Variants in FAF1 observed in about 807,000 individuals in gnomAD.
FAF1 encodes Fas associated factor 1, also known as FAS-associated factor 1.
A neutral mutation model predicts 92.5 loss-of-function variants in FAF1; 25 were observed. The observed-to-expected ratio is 0.27, with a 90% CI of 0.20 to 0.38. FAF1 has a LOEUF of 0.38. FAF1 is among the 10% of genes least tolerant of loss of function. FAF1 has a pLI of 1.00. For synonymous variants in FAF1, 234 were observed against 273.2 expected, an observed-to-expected ratio of 0.86 and a Z score of 1.42; for missense variants, 636 against 793.3, an observed-to-expected ratio of 0.80 and a Z score of 2.38.
At chr1:50,553,071 T>C (rs1252571829) in intron 13 of FAF1, among the ~76,000 whole-genome samples, 1 of 151,940 alleles carries the variant, frequency 6.6e-6, no homozygotes, top group Non-Finnish European at 1.5e-5. Context: ...ATTACAACGA[T>C]GAACCTCAAA....
At chr1:50,501,971 A>C (rs903550905) in intron 15 of FAF1, among the ~76,000 whole-genome samples, 1 of 152,238 alleles carries the variant, frequency 6.6e-6, no homozygotes, top group Non-Finnish European at 1.5e-5. Flanking sequence ...ATATCCATCA[A>C]CAGGTGAACA....
chr1:50,749,981 A>G (rs1034353178), intron 4 of FAF1, among the ~76,000 whole-genome samples: 1 of 152,184 alleles, frequency 6.6e-6, no homozygotes, highest in Admixed American at 6.5e-5. Flanking sequence ...TTATTATTAC[A>G]ATTAATGAGA....
chr1:50,804,321 A>T (rs991308134), intron 2 of FAF1, among the ~76,000 whole-genome samples: 2 of 152,200 alleles, frequency 1.3e-5, no homozygotes, highest in African/African-American at 4.8e-5. Flanking sequence ...AAATAAACGA[A>T]GCCCTAGAAA....
chr1:50,761,841 C>G (rs935773515), intron 4 of FAF1, among the ~76,000 whole-genome samples: 1 of 151,920 alleles, frequency 6.6e-6, no homozygotes, highest in Admixed American at 6.6e-5. Context: ...CTGGCCAGGG[C>G]AATTAGGCAG....
chr1:50,788,717 T>A (rs1342939845), intron 3 of FAF1, among the ~76,000 whole-genome samples: 1 of 152,346 alleles, frequency 6.6e-6, no homozygotes, highest in East Asian at 1.9e-4. Context: ...GAAATTTCCC[T>A]TATCTTCTTA....
rs67168626 is a variant in FAF1, at chr1:50,717,987, C to CTTTATTTA, written c.552-12104_552-12097dup. 6.9e-3 allele frequency among the ~76,000 whole-genome samples: 958 copies of CTTTATTTA among 138,978 alleles called. 3 individuals carry two copies. The highest frequency in any genetic ancestry group is 9.0e-3 in the African/African-American group (341 of 38,080). 91.2% of individuals were successfully genotyped at this position (138,978 alleles called of 152,430 possible). The stretch of plus-strand genomic sequence containing the variant: ...TATTTTTAACTTCAAAAATACAATC[C>CTTTATTTA]TTTATTTATTTATTTATTTATTTAT... On this transcript the variant is annotated intron_variant, in intron 6 of 18. Coordinates refer to ENST00000396153, the MANE Select transcript of FAF1 (RefSeq NM_007051.3).
At chr1:50,643,190 T>C (rs1207256322) in intron 8 of FAF1, among the ~76,000 whole-genome samples, 1 of 152,232 alleles carries the variant, frequency 6.6e-6, no homozygotes, top group Non-Finnish European at 1.5e-5. Flanking sequence ...AATGGATTTT[T>C]AGCTATATTT....
At chr1:50,947,625 C>T (rs1458119486) in intron 1 of FAF1, among the ~76,000 whole-genome samples, 1 of 152,188 alleles carries the variant, frequency 6.6e-6, no homozygotes. Context: ...AATAAAACAG[C>T]AAATTCAGCA....
intron 4 of FAF1, among the ~76,000 whole-genome samples, chr1:50,781,374 G>A (rs1029589060): frequency 6.6e-6 from 1 of 151,902 alleles, no homozygotes; most frequent in Non-Finnish European, 1.5e-5. Flanking sequence ...TATATCAAAC[G>A]AAATAGAGTT....
At position 50,729,030 on chromosome 1, in the gene FAF1, CTATCTATATATATA is replaced by C. The variant is rs1353983024; in HGVS notation, c.551+9819_551+9832del. 3.0e-4 allele frequency among the ~76,000 whole-genome samples: 22 copies of C among 74,524 alleles called. 1 individual carries two copies. Among genetic ancestry groups the C allele is most frequent in the Admixed American group, 8.1e-4 (6 of 7,398 alleles). 48.9% of individuals were successfully genotyped at this position (74,524 alleles called of 152,430 possible). A position where few individuals can be genotyped will look rare whatever the true frequency, so the allele number is the denominator to read the frequency against. On this transcript the variant is annotated intron_variant, in intron 6 of 18. Transcript: ENST00000396153. Reference sequence around the variant, plus strand: ...TCTATCTATCTATCTATCTATCTATCTATCTATATATATATATATATATATATATTTTTTTTTTT... The same window carrying C: ...TCTATCTATCTATCTATCTATCTATCTATATATATATATATTTTTTTTTTT...
intron 18 of FAF1, among the ~76,000 whole-genome samples, chr1:50,452,695 T>C (rs1009035925): frequency 6.6e-6 from 1 of 152,232 alleles, no homozygotes; most frequent in African/African-American, 2.4e-5. Flanking sequence ...TTAAGTTAGC[T>C]TAAAAGCCTT....
rs1645304274 is a variant in FAF1 at position 50,960,059 on chromosome 1, C to A, written c.-248G>T. 2.3e-5 allele frequency: 9 copies of A among 395,362 alleles called. No homozygotes were observed. Among genetic ancestry groups the A allele is most frequent in the Non-Finnish European group, 4.0e-5 (9 of 224,076 alleles). The allele number at this position is 395,362 out of a possible 1,614,324, so 24.5% of individuals were successfully genotyped here. ...ACCTGCGGAGCCCGCGTCGCAGCAG[C>A]CCGGACAGGAAGATTGGTCTGGATG... On this transcript the variant is annotated 5_prime_UTR_variant, in exon 1 of 19. Transcript: ENST00000396153.
chr1:50,739,364 A>G (rs1000380466), intron 5 of FAF1, among the ~76,000 whole-genome samples: 2 of 152,082 alleles, frequency 1.3e-5, no homozygotes, highest in African/African-American at 4.8e-5. Flanking sequence ...GTACATGTGT[A>G]CACGTACATA....
intron 1 of FAF1, among the ~76,000 whole-genome samples, chr1:50,936,485 G>C (rs543438598): frequency 6.6e-6 from 1 of 152,266 alleles, no homozygotes; most frequent in South Asian, 2.1e-4. Context: ...CAAAAGCAGA[G>C]ACACAAAATG....
chr1:50,554,312 A>G (rs578190600), intron 13 of FAF1, among the ~76,000 whole-genome samples: 1 of 149,984 alleles, frequency 6.7e-6, no homozygotes, highest in African/African-American at 2.5e-5. Flanking sequence ...CACATGTGAA[A>G]TGGGATCTTG....
rs7555308 is a variant in FAF1, at chr1:50,651,814, C to T, written c.744+3628G>A. On this transcript the variant is annotated intron_variant, in intron 8 of 18. Transcript: ENST00000396153. Reference sequence around the variant, plus strand: ...TGAATGATTTCAGTAAGTATAAAAACACCACCGCCTGCAACAAATATAGAC... The same window carrying T: ...TGAATGATTTCAGTAAGTATAAAAATACCACCGCCTGCAACAAATATAGAC... 7.9e-3 allele frequency among the ~76,000 whole-genome samples: 1,207 copies of T among 152,236 alleles called. 13 individuals carry two copies. Among genetic ancestry groups the T allele is most frequent in the African/African-American group, 0.027 (1,138 of 41,540 alleles).
At chr1:50,777,244 T>G (rs559063010) in intron 4 of FAF1, among the ~76,000 whole-genome samples, 20 of 151,728 alleles carry the variant, frequency 1.3e-4, no homozygotes, top group Admixed American at 1.3e-3. Context: ...AGACCCCATT[T>G]CTTCAAAAAG....
rs1553123418 is a variant in FAF1, at chr1:50,637,706, T to TGTGTGTGC, written c.744+17728_744+17735dup. Among the ~76,000 whole-genome samples the TGTGTGTGC allele has an allele frequency of 4.5e-3, 670 of 150,416 alleles. 2 individuals are homozygous for TGTGTGTGC. The highest frequency in any genetic ancestry group is 8.3e-3 in the Non-Finnish European group (559 of 67,498). ...ATGTGTGTGTGTGTGTGTGTGTGTG[T>TGTGTGTGC]GTGTGTGCGTGTGCATATGTGTGTA... On this transcript the variant is annotated intron_variant, in intron 8 of 18. Transcript: ENST00000396153.
At chr1:50,600,525 A>AC (rs1282327698) in intron 8 of FAF1, among the ~76,000 whole-genome samples, 1 of 152,142 alleles carries the variant, frequency 6.6e-6, no homozygotes, top group African/African-American at 2.4e-5. Context: ...ATATACACAC[A>AC]CAAAAAAATT....
Sources: gnomAD v4.1 joint callset for allele counts (sites outside exome capture counted in the v4.1 genomes callset) on GRCh38, gnomAD v4.1.1 for gene constraint, MANE v1.5 for transcripts, NCBI Gene and HGNC (gene_info 2026-07-23, HGNC 2026-07-21) for gene names.